The following SEMA3A variants were observed in gnomAD, a reference collection of about 807,000 sequenced individuals.
The protein encoded by SEMA3A is semaphorin 3A.
In SEMA3A, 29 loss-of-function variants were observed where a neutral mutation model predicts 97.9. That is an observed-to-expected ratio of 0.30 (90% CI 0.22 to 0.40). The LOEUF is 0.40. SEMA3A is among the 10% of genes least tolerant of loss of function. The pLI is 1.00. For missense variants in SEMA3A, 763 were observed against 951.3 expected (o/e 0.80, Z 2.60); for synonymous variants, 321 against 323.7 (o/e 0.99, Z 0.09).
At chr7:84,067,718 A>G (rs1793577240) in intron 4 of SEMA3A, among the ~76,000 whole-genome samples, 3 of 152,056 alleles carry the variant, frequency 2.0e-5, no homozygotes, top group African/African-American at 4.8e-5. Context: ...CAAAACCACA[A>G]TAAGATACCA....
intron 1 of SEMA3A, among the ~76,000 whole-genome samples, chr7:84,372,710 A>G (rs1464954293): frequency 6.6e-6 from 1 of 152,164 alleles, no homozygotes; most frequent in Non-Finnish European, 1.5e-5. Flanking sequence ...AAAAAACTTC[A>G]TAGTACCCCG....
intron 3 of SEMA3A, among the ~76,000 whole-genome samples, chr7:84,284,558 G>A (rs570864465): frequency 6.6e-6 from 1 of 152,224 alleles, no homozygotes; most frequent in South Asian, 2.1e-4. Context: ...AAAATGCTTT[G>A]TCTCCTAGAA....
upstream of SEMA3A, among the ~76,000 whole-genome samples, chr7:84,196,931 G>A (rs1369196619): frequency 6.6e-6 from 1 of 151,956 alleles, no homozygotes; most frequent in Non-Finnish European, 1.5e-5. Flanking sequence ...AACTAAACAG[G>A]ATAATAAAAT....
intron 2 of SEMA3A, among the ~76,000 whole-genome samples, chr7:84,322,011 T>C (rs1441314852): frequency 2.0e-5 from 3 of 150,164 alleles, no homozygotes; most frequent in Admixed American, 2.0e-4. Flanking sequence ...GGAAAACTTA[T>C]CATGGTGGAA....
intron 2 of SEMA3A, among the ~76,000 whole-genome samples, chr7:84,317,048 T>C (rs1801523193): frequency 1.3e-5 from 2 of 152,140 alleles, no homozygotes; most frequent in South Asian, 4.1e-4. Flanking sequence ...TTCTCCATAT[T>C]AACGTGAGAT....
intron 3 of SEMA3A, among the ~76,000 whole-genome samples, chr7:84,248,070 A>G (rs1353921448): frequency 2.0e-5 from 3 of 152,208 alleles, no homozygotes; most frequent in Non-Finnish European, 2.9e-5. Flanking sequence ...AAATAAATGC[A>G]TACATAAATA....
At chr7:84,390,289 A>G (rs1003646761) in intron 1 of SEMA3A, among the ~76,000 whole-genome samples, 1 of 150,500 alleles carries the variant, frequency 6.6e-6, no homozygotes, top group African/African-American at 2.4e-5. Context: ...CACATCTGGC[A>G]GTGCAAGATT....
chr7:84,187,927 A>C (rs550739412), intron 1 of SEMA3A, among the ~76,000 whole-genome samples: 1 of 152,120 alleles, frequency 6.6e-6, no homozygotes, highest in East Asian at 1.9e-4. Context: ...AGTTTCACAG[A>C]CTAAATGAGT....
chr7:84,411,911 C>G (rs536332743), intron 1 of SEMA3A, among the ~76,000 whole-genome samples: 2 of 152,124 alleles, frequency 1.3e-5, no homozygotes, highest in East Asian at 3.9e-4. Context: ...AAATAGACAC[C>G]TTGTATCTCT....
At chr7:84,356,454 T>G (rs1016119122) in intron 2 of SEMA3A, among the ~76,000 whole-genome samples, 1 of 151,476 alleles carries the variant, frequency 6.6e-6, no homozygotes, top group African/African-American at 2.4e-5. Context: ...AAGAAAATGG[T>G]GTGGACCTTA....
intron 3 of SEMA3A, among the ~76,000 whole-genome samples, chr7:84,245,812 C>T (rs969010456): frequency 2.0e-5 from 3 of 152,068 alleles, no homozygotes; most frequent in Non-Finnish European, 4.4e-5. Context: ...AGGTATCTCT[C>T]AGTCAGGAGG....
At chr7:84,412,416 G>A (rs891126426) in intron 1 of SEMA3A, among the ~76,000 whole-genome samples, 6 of 152,156 alleles carry the variant, frequency 3.9e-5, no homozygotes, top group Non-Finnish European at 7.4e-5. Flanking sequence ...CTTAGTCACA[G>A]TTTGCAAACA....
intron 2 of SEMA3A, among the ~76,000 whole-genome samples, chr7:84,337,916 G>A (rs910526650): frequency 5.3e-5 from 8 of 152,036 alleles, no homozygotes; most frequent in Non-Finnish European, 1.2e-4. Flanking sequence ...TATCTAGGAG[G>A]AGAACATTAC....
intron 3 of SEMA3A, among the ~76,000 whole-genome samples, chr7:84,269,292 AT>A (rs1800087131): frequency 6.6e-6 from 1 of 152,140 alleles, no homozygotes; most frequent in South Asian, 2.1e-4. Context: ...CTTTAAATAT[AT>A]TTTAACAAAA....
In SEMA3A at chr7:84,000,171, C is replaced by G. The variant is rs1006938534; in HGVS notation, c.1452+1784G>C. Among the ~76,000 whole-genome samples, 3 of 149,426 alleles carry G rather than the reference C, an allele frequency of 2.0e-5. No homozygotes were observed. In the South Asian group the frequency reaches 6.2e-4, roughly 31 times the overall value. Reference sequence around the variant, plus strand: ...AACATACATACTCTATAGTGGCCAACAGAGTCCATTTGGACAGTTGTTAGC... The same window carrying G: ...AACATACATACTCTATAGTGGCCAAGAGAGTCCATTTGGACAGTTGTTAGC... On this transcript the variant is annotated intron_variant, in intron 12 of 16. Coordinates refer to ENST00000265362, the MANE Select transcript of SEMA3A (RefSeq NM_006080.3).
chr7:84,042,215 T>C (rs1368732770), intron 6 of SEMA3A, among the ~76,000 whole-genome samples: 1 of 151,984 alleles, frequency 6.6e-6, no homozygotes, highest in Non-Finnish European at 1.5e-5. Context: ...GCCATCAGGG[T>C]ATGAATATTA....
intron 3 of SEMA3A, among the ~76,000 whole-genome samples, chr7:84,249,368 C>CATCTACCT (rs1799546380): frequency 7.0e-6 from 1 of 143,140 alleles, no homozygotes; most frequent in Non-Finnish European, 1.5e-5. Context: ...CTCTGTCTAT[C>CATCTACCT]ATCTATCTAT....
chr7:84,122,091 C>T (rs189892672), intron 3 of SEMA3A, among the ~76,000 whole-genome samples: 4 of 151,514 alleles, frequency 2.6e-5, no homozygotes, highest in African/African-American at 4.9e-5. Context: ...CTTGAGGAAT[C>T]GCCACACTGA....
At chr7:84,065,375 C>G (rs566299518) in intron 4 of SEMA3A, among the ~76,000 whole-genome samples, 138 of 143,806 alleles carry the variant, frequency 9.6e-4, no homozygotes, top group African/African-American at 3.6e-3. Flanking sequence ...AAAGCAAGAG[C>G]AAACACATTC....
Sources: allele counts gnomAD v4.1 joint callset (sites outside exome capture counted in the v4.1 genomes callset), GRCh38; gene constraint gnomAD v4.1.1; transcripts MANE v1.5; gene names NCBI Gene and HGNC (gene_info 2026-07-23, HGNC 2026-07-21).